Variants in ECPAS observed in about 807,000 individuals in gnomAD.
ECPAS encodes Ecm29 proteasome adaptor and scaffold, also known as proteasome adapter and scaffold protein ECM29.
A neutral mutation model predicts 255.1 loss-of-function variants in ECPAS; 70 were observed. The observed-to-expected ratio is 0.27, with a 90% CI of 0.23 to 0.33. The LOEUF (loss-of-function observed/expected upper bound fraction) is 0.33. ECPAS is among the 10% of genes least tolerant of loss of function. The probability of loss-of-function intolerance (pLI) is 1.00; values close to 1 mark genes in which losing one functional copy is unlikely to be tolerated. For synonymous variants in ECPAS, 784 were observed against 775.0 expected (o/e 1.01, Z -0.19); for missense variants, 1,817 against 2,206.4 (o/e 0.82, Z 3.54).
intron 1 of ECPAS, among the ~76,000 whole-genome samples, chr9:111,477,662 C>G (rs185592574): frequency 1.3e-5 from 2 of 152,270 alleles, no homozygotes; most frequent in East Asian, 3.9e-4. Context: ...TCCTAACTGT[C>G]TAATGAGGGT....
At chr9:111,455,509 T>C (rs1208186730) in intron 2 of ECPAS, among the ~76,000 whole-genome samples, 1 of 152,090 alleles carries the variant, frequency 6.6e-6, no homozygotes, top group Non-Finnish European at 1.5e-5. Flanking sequence ...GAAAGAAAGA[T>C]GTGCTTTCTA....
intron 19 of ECPAS, 107 bp downstream of exon 19, chr9:111,414,322 A>G: frequency 2.2e-6 from 2 of 923,812 alleles, no homozygotes; most frequent in South Asian, 1.7e-5. Context: ...GCTAATGTTC[A>G]GTTACAGAAG....
intron 2 of ECPAS, among the ~76,000 whole-genome samples, chr9:111,471,144 T>A (rs1052217944): frequency 3.3e-5 from 5 of 152,218 alleles, no homozygotes; most frequent in African/African-American, 1.2e-4. Context: ...TTTATTTAAA[T>A]CACTATTTAA....
chr9:111,410,679 G>A (rs2131720087), intron 22 of ECPAS, among the ~76,000 whole-genome samples: 1 of 152,068 alleles, frequency 6.6e-6, no homozygotes, highest in East Asian at 1.9e-4. Context: ...ACCATACCAA[G>A]CTAATTTTGT....
intron 27 of ECPAS, 55 bp downstream of exon 27, chr9:111,393,625 G>A: frequency 8.5e-7 from 1 of 1,171,770 alleles, no homozygotes; most frequent in South Asian, 1.3e-5. Context: ...CCAGGTTTTT[G>A]AACATTTAAA....
intron 1 of ECPAS, among the ~76,000 whole-genome samples, chr9:111,476,667 C>T (rs896376635): frequency 1.2e-4 from 18 of 150,808 alleles, no homozygotes; most frequent in Admixed American, 9.9e-4. Flanking sequence ...CCACAACCTC[C>T]GCCTCCCGGG....
intron 25 of ECPAS, among the ~76,000 whole-genome samples, chr9:111,394,619 T>C (rs1487148379): frequency 1.3e-5 from 2 of 152,212 alleles, no homozygotes; most frequent in African/African-American, 2.4e-5. Flanking sequence ...AACAAACTTA[T>C]TTTGCACTTA....
At chr9:111,455,121 T>G (rs1302422527) in intron 2 of ECPAS, among the ~76,000 whole-genome samples, 1 of 152,196 alleles carries the variant, frequency 6.6e-6, no homozygotes, top group Non-Finnish European at 1.5e-5. Flanking sequence ...TCATTTTCAC[T>G]GCAAAATACT....
At chr9:111,381,981 A>C (rs1346171727) in intron 35 of ECPAS, among the ~76,000 whole-genome samples, 2 of 150,980 alleles carry the variant, frequency 1.3e-5, no homozygotes, top group African/African-American at 4.9e-5. Context: ...TCTACAGGCT[A>C]AACTGAGTTC....
At chr9:111,395,991 G>C (rs1589141857) in intron 25 of ECPAS, among the ~76,000 whole-genome samples, 2 of 152,148 alleles carry the variant, frequency 1.3e-5, no homozygotes, top group Non-Finnish European at 2.9e-5. Flanking sequence ...AATCTCTTTA[G>C]GGTGGCTAAT....
intron 2 of ECPAS, among the ~76,000 whole-genome samples, chr9:111,460,048 T>C (rs924524009): frequency 1.9e-4 from 29 of 152,240 alleles, no homozygotes; most frequent in African/African-American, 6.5e-4. Context: ...AATAAAATAA[T>C]ATTTAAATCA....
intron 48 of ECPAS, chr9:111,365,668 A>AAAAAAT (rs1221043636): frequency 1.3e-5 from 2 of 152,520 alleles, no homozygotes; most frequent in Non-Finnish European, 2.9e-5. Flanking sequence ...TCCAACTCAA[A>AAAAAAT]AAAAATAAAA....
intron 2 of ECPAS, among the ~76,000 whole-genome samples, chr9:111,457,473 G>A (rs2098268326): frequency 6.6e-6 from 1 of 152,156 alleles, no homozygotes; most frequent in South Asian, 2.1e-4. Context: ...GATAGGACAG[G>A]AAGGCCATCT....
chr9:111,444,238 T>TAAAAA, intron 4 of ECPAS, 140 bp downstream of exon 4: 1 of 498,420 alleles, frequency 2.0e-6, no homozygotes, highest in South Asian at 3.0e-5. Flanking sequence ...GTGTGTCATT[T>TAAAAA]AAAAAAAAAA....
chr9:111,419,669 C>T (rs1407782823), intron 16 of ECPAS, among the ~76,000 whole-genome samples: 2 of 151,342 alleles, frequency 1.3e-5, no homozygotes, highest in African/African-American at 4.8e-5. Flanking sequence ...TTTCTCCTTA[C>T]ATAGGGCTTG....
intron 6 of ECPAS, among the ~76,000 whole-genome samples, chr9:111,439,152 G>C (rs1298880154): frequency 1.3e-5 from 2 of 152,190 alleles, no homozygotes; most frequent in African/African-American, 4.8e-5. Flanking sequence ...ATATAGGCGG[G>C]TGTTTTGTGT....
chr9:111,420,043 A>G lies in ECPAS; in HGVS notation c.1533T>C (p.Tyr511=). The G allele has an allele frequency of 6.2e-7, 1 of 1,612,602 alleles. No homozygotes were observed. Among genetic ancestry groups the G allele is most frequent in the South Asian group, 1.1e-5 (1 of 91,024 alleles). The change falls in exon 16 of 50, where the codon TAT becomes TAC. Residue 511 remains tyrosine, a synonymous_variant. Coordinates refer to ENST00000684092, the MANE Select transcript of ECPAS (RefSeq NM_001364929.1). The part of the protein sequence containing the change: ...VFPSDHIPSR[Y]LLLLAAGDPR... ...GATCTCCTGCAGCCAGTAGCAGCAA[A>G]TATCTGGAAGGGATATGATCTGAGG...
intron 2 of ECPAS, among the ~76,000 whole-genome samples, chr9:111,470,746 C>A (rs866522745): frequency 8.0e-6 from 1 of 124,494 alleles, no homozygotes; most frequent in Non-Finnish European, 1.6e-5. Flanking sequence ...TCTCCTCCCG[C>A]CACACACACA....
chr9:111,364,951 A>G (rs1239525465), intron 48 of ECPAS, among the ~76,000 whole-genome samples: 1 of 152,234 alleles, frequency 6.6e-6, no homozygotes, highest in African/African-American at 2.4e-5. Flanking sequence ...CAATGTCCTA[A>G]GACAAAGAAA....
Sources: gnomAD v4.1 joint callset for allele counts (sites outside exome capture counted in the v4.1 genomes callset) on GRCh38, gnomAD v4.1.1 for gene constraint, MANE v1.5 for transcripts, NCBI Gene and HGNC (gene_info 2026-07-23, HGNC 2026-07-21) for gene names.